Variants in VPS13A observed in about 807,000 individuals in gnomAD.
VPS13A encodes intermembrane lipid transfer protein VPS13A.
In VPS13A, 264 loss-of-function variants were observed where a neutral mutation model predicts 390.9. The ratio of observed to expected loss-of-function variants is 0.68; its 90% confidence interval spans 0.61 to 0.75. VPS13A has a LOEUF of 0.75. VPS13A is among the 30% of genes least tolerant of loss of function. The pLI is 0.00. For synonymous variants in VPS13A, 1,231 were observed against 1,227.1 expected, an observed-to-expected ratio of 1.00 and a Z score of -0.07; for missense variants, 3,409 against 3,733.9, an observed-to-expected ratio of 0.91 and a Z score of 2.27.
chr9:77,348,764 A>G (rs1237916419), intron 52 of VPS13A, among the ~76,000 whole-genome samples: 1 of 152,168 alleles, frequency 6.6e-6, no homozygotes, highest in South Asian at 2.1e-4. Flanking sequence ...AGTTTGAGAC[A>G]TGTACACACA....
intron 67 of VPS13A, among the ~76,000 whole-genome samples, chr9:77,375,609 T>C (rs1833024405): frequency 6.6e-6 from 1 of 152,218 alleles, no homozygotes; most frequent in Non-Finnish European, 1.5e-5. Context: ...AAAATAGCCT[T>C]AATTTTTAAA....
chr9:77,414,416 A>C (rs1336943608), intron 71 of VPS13A, among the ~76,000 whole-genome samples: 1 of 152,206 alleles, frequency 6.6e-6, no homozygotes, highest in East Asian at 1.9e-4. Flanking sequence ...GCCATAAAAA[A>C]TAATGAGTTC....
chr9:77,361,770 A>G (rs1010249052), intron 59 of VPS13A, among the ~76,000 whole-genome samples: 2 of 152,130 alleles, frequency 1.3e-5, no homozygotes, highest in Admixed American at 6.5e-5. Context: ...TTACCAGAGC[A>G]TATGAGGGCT....
rs1313297167 is a variant in VPS13A, at chr9:77,318,284, A to G, written c.5006A>G (p.Tyr1669Cys). 1.2e-6 allele frequency: 2 copies of G among 1,608,880 alleles called. No homozygotes were observed. The highest frequency in any genetic ancestry group is 1.7e-6 in the Non-Finnish European group (2 of 1,178,612). ...NTMITITSALYTTKETIPEET... is the reference protein window; with the variant it reads ...NTMITITSALCTTKETIPEET... Reference sequence around the variant, plus strand: ...ATGATTACCATAACTTCAGCACTGTATACAACTAAGGAAACCATCCCAGAA... The same window carrying G: ...ATGATTACCATAACTTCAGCACTGTGTACAACTAAGGAAACCATCCCAGAA... Residue 1669 changes from tyrosine to cysteine, a missense_variant, in exon 41 of 72, where the codon TAT (tyrosine) becomes TGT (cysteine). Physicochemically the swap from Tyr to Cys is radical, Grantham distance 194. Around this residue, in one of 5 missense-constraint regions of VPS13A, gnomAD observed 2,717 missense variants for 2,917.4 expected, o/e 0.93. Coordinates refer to ENST00000360280, the MANE Select transcript of VPS13A (RefSeq NM_033305.3).
At chr9:77,183,696 C>T (rs935268892) in intron 1 of VPS13A, among the ~76,000 whole-genome samples, 3 of 152,222 alleles carry the variant, frequency 2.0e-5, no homozygotes, top group East Asian at 1.9e-4. Context: ...GTTAAACATA[C>T]ATCAACCATG....
intron 6 of VPS13A, 80 bp downstream of exon 6, chr9:77,209,612 T>C: frequency 2.3e-6 from 2 of 857,032 alleles, no homozygotes; most frequent in Non-Finnish European, 3.8e-6. Flanking sequence ...TACTTTTTAA[T>C]GGCCAATCTG....
At chr9:77,202,863 T>TC (rs1326624520) in intron 3 of VPS13A, among the ~76,000 whole-genome samples, 5 of 152,206 alleles carry the variant, frequency 3.3e-5, no homozygotes, top group African/African-American at 7.2e-5. Flanking sequence ...TGTACCTCTG[T>TC]CGTAGCACCT....
chr9:77,230,458 T>C (rs1823764367), intron 17 of VPS13A, among the ~76,000 whole-genome samples: 1 of 152,148 alleles, frequency 6.6e-6, no homozygotes, highest in African/African-American at 2.4e-5. Flanking sequence ...ATTATTCAGT[T>C]GTCCTAGCAC....
chr9:77,315,432 T>C lies in VPS13A; in HGVS notation c.4592T>C (p.Val1531Ala). 1 of 1,613,948 alleles carries C rather than the reference T, an allele frequency of 6.2e-7. No homozygotes were observed. The highest frequency in any genetic ancestry group is 8.5e-7 in the Non-Finnish European group (1 of 1,179,836). The change falls in exon 38 of 72, where the codon GTA (valine) becomes GCA (alanine). Residue 1531 changes from valine (V) to alanine (A), a missense_variant. This residue lies in a region of VPS13A where 2,717 missense variants were observed against 2,917.4 expected (regional missense o/e 0.93). Coordinates refer to ENST00000360280, the MANE Select transcript of VPS13A (RefSeq NM_033305.3). ...GAGGCCTACACCACAGGCACTGCTG[T>C]AGAAACCAGTGTGCAAACATGGACT... ...FLEAYTTGTAVETSVQTWTAK... is the reference protein window; with the variant it reads ...FLEAYTTGTAAETSVQTWTAK...
In VPS13A at chr9:77,399,188, A is replaced by T. The variant is rs12349593; in HGVS notation, c.9190-4048A>T. 1.0e-3 allele frequency among the ~76,000 whole-genome samples: 142 copies of T among 137,472 alleles called. 2 individuals carry two copies. Among genetic ancestry groups the T allele is most frequent in the East Asian group, 3.3e-3 (15 of 4,606 alleles). 90.2% of individuals were successfully genotyped at this position (137,472 alleles called of 152,430 possible). A position where few individuals can be genotyped will look rare whatever the true frequency, so the allele number is the denominator to read the frequency against. Reference sequence around the variant, plus strand: ...ATAATAAAAAAAAAAAAATAAAAAAAAAAAAAAAAAAAAAAAACAAAGGAT... The same window carrying T: ...ATAATAAAAAAAAAAAAATAAAAAATAAAAAAAAAAAAAAAAACAAAGGAT... On this transcript the variant is annotated intron_variant, in intron 68 of 71. Coordinates refer to ENST00000360280, the MANE Select transcript of VPS13A (RefSeq NM_033305.3).
chr9:77,384,484 T>G (rs1587701985), intron 68 of VPS13A: 6 of 1,543,850 alleles, frequency 3.9e-6, no homozygotes, highest in Non-Finnish European at 4.4e-6. Context: ...GCTTTAAAAT[T>G]ATTCTCACTC....
chr9:77,252,462 C>A, intron 22 of VPS13A, 110 bp downstream of exon 22: 1 of 894,852 alleles, frequency 1.1e-6, no homozygotes, highest in Non-Finnish European at 1.9e-6. Flanking sequence ...ATGTATATAA[C>A]TGACTCTTCC....
At chr9:77,341,716 T>TTTTTTTTTTTTTTTTTTTTTTTC (rs1830831474) in intron 50 of VPS13A, among the ~76,000 whole-genome samples, 1 of 145,344 alleles carries the variant, frequency 6.9e-6, no homozygotes, top group Non-Finnish European at 1.5e-5. Context: ...TTTTTTTTTT[T>TTTTTTTTTTTTTTTTTTTTTTTC]TTTTGCTTTT....
chr9:77,332,502 A>G (rs1051067930), intron 46 of VPS13A, among the ~76,000 whole-genome samples: 4 of 151,836 alleles, frequency 2.6e-5, no homozygotes, highest in African/African-American at 9.7e-5. Context: ...TTAGTAAACA[A>G]TATTTTATCC....
chr9:77,317,785 T>G, intron 40 of VPS13A, 87 bp downstream of exon 40: 1 of 1,008,150 alleles, frequency 9.9e-7, no homozygotes, highest in African/African-American at 1.6e-5. Flanking sequence ...GTCTTTTAAT[T>G]GTTATGCAAA....
chr9:77,186,556 G>C (rs1050906080), intron 1 of VPS13A, among the ~76,000 whole-genome samples: 1 of 152,080 alleles, frequency 6.6e-6, no homozygotes, highest in Admixed American at 6.6e-5. Context: ...TCCTGCCTCA[G>C]CCTCCTAAGT....
Position 77,249,501 on chromosome 9 carries a change from A to G in VPS13A, c.2038-596A>G, listed in dbSNP as rs1030868341. 9.9e-5 allele frequency among the ~76,000 whole-genome samples: 15 copies of G among 152,214 alleles called. 1 individual carries two copies. Among genetic ancestry groups the G allele is most frequent in the Non-Finnish European group, 1.9e-4 (13 of 68,030 alleles). ...TCACATGAGCTATATAGAGGGAAAA[A>G]AAGTTAAAAAATGTATGTGTACACA... On this transcript the variant is annotated intron_variant, in intron 20 of 71. Transcript: ENST00000360280.
intron 45 of VPS13A, among the ~76,000 whole-genome samples, chr9:77,330,761 T>A (rs1297017939): frequency 6.6e-6 from 1 of 152,072 alleles, no homozygotes; most frequent in Non-Finnish European, 1.5e-5. Context: ...ATATAGACAT[T>A]TAAAAATGTT....
At chr9:77,346,400 G>A (rs1282865630) in intron 52 of VPS13A, among the ~76,000 whole-genome samples, 1 of 152,058 alleles carries the variant, frequency 6.6e-6, no homozygotes, top group African/African-American at 2.4e-5. Context: ...TGATTTGTTT[G>A]AGATCCTTAC....
Sources: allele counts gnomAD v4.1 joint callset (sites outside exome capture counted in the v4.1 genomes callset), GRCh38; gene constraint gnomAD v4.1.1; regional missense constraint gnomAD v4.1.1; transcripts MANE v1.5; gene names NCBI Gene and HGNC (gene_info 2026-07-23, HGNC 2026-07-21).